TNPO1: variants seen among roughly 807,000 people sequenced by gnomAD.
TNPO1 encodes the protein transportin 1, also known as transportin-1.
A neutral mutation model predicts 119.5 loss-of-function variants in TNPO1; 8 were observed. The observed-to-expected ratio is 0.07, with a 90% CI of 0.04 to 0.12. TNPO1 has a LOEUF of 0.12. Ranked by LOEUF, TNPO1 falls within the 10% of genes least tolerant of loss-of-function variation. TNPO1 has a pLI of 1.00. For missense variants in TNPO1, 576 were observed against 1,089.8 expected (o/e 0.53, Z 6.64); for synonymous variants, 362 against 363.0 (o/e 1.00, Z 0.03).
At chr5:72,886,881 T>A in intron 11 of TNPO1, among the ~76,000 whole-genome samples, 189 bp from the exon 12 acceptor site, 1 of 79,216 alleles carries the variant, frequency 1.3e-5, no homozygotes, top group East Asian at 3.9e-4. Context: ...AGAACAAGAC[T>A]CCATCTCAAA....
chr5:72,876,688 TAAAA>T (rs745825237), intron 8 of TNPO1, among the ~76,000 whole-genome samples: 3 of 152,094 alleles, frequency 2.0e-5, no homozygotes, highest in South Asian at 4.1e-4. Context: ...AGTAGTATCA[TAAAA>T]AAACTACACA....
At position 72,900,525 on chromosome 5, in the gene TNPO1, A is replaced by T. The variant is rs986124076; in HGVS notation, c.2414+444A>T. Among the ~76,000 whole-genome samples the T allele has an allele frequency of 5.3e-5, 8 of 152,274 alleles. No homozygotes were observed. In the South Asian group the frequency reaches 1.2e-3, roughly 24 times the overall value. Reference sequence around the variant, plus strand: ...TTGCTTGTTAATGTAAAAGTTAAACATCTACACCATAAGCTATATAGTAAT... The same window carrying T: ...TTGCTTGTTAATGTAAAAGTTAAACTTCTACACCATAAGCTATATAGTAAT... On this transcript the variant is annotated intron_variant, in intron 21 of 24. Transcript: ENST00000337273.
chr5:72,903,228 C>G (rs774169584), intron 22 of TNPO1, among the ~76,000 whole-genome samples: 41 of 152,176 alleles, frequency 2.7e-4, no homozygotes, highest in African/African-American at 9.6e-4. Context: ...TTGGTTGTTT[C>G]AACTAAGTTA....
intron 8 of TNPO1, 80 bp downstream of exon 8, chr5:72,875,817 G>T: frequency 6.8e-7 from 1 of 1,460,286 alleles, no homozygotes; most frequent in South Asian, 1.3e-5. Flanking sequence ...CATACCGGAT[G>T]GGAAGGGGAC....
intron 6 of TNPO1, among the ~76,000 whole-genome samples, chr5:72,870,792 G>A (rs763503774): frequency 1.3e-5 from 2 of 151,988 alleles, no homozygotes; most frequent in Non-Finnish European, 2.9e-5. Flanking sequence ...TGCCTTACAT[G>A]CACACAAAAA....
chr5:72,912,660 A>G lies in TNPO1; in HGVS notation c.*3987A>G, dbSNP rs1750643471. 1 of 152,448 alleles carries G rather than the reference A, an allele frequency of 6.6e-6. No homozygotes were observed. The highest frequency in any genetic ancestry group is 1.9e-4 in the East Asian group (1 of 5,198). 9.4% of individuals were successfully genotyped at this position (152,448 alleles called of 1,614,324 possible). A position where few individuals can be genotyped will look rare whatever the true frequency, so the allele number is the denominator to read the frequency against. On this transcript the variant is annotated 3_prime_UTR_variant, in exon 25 of 25. Coordinates refer to ENST00000337273, the MANE Select transcript of TNPO1 (RefSeq NM_002270.4). ...AGGTTTACCTGAAAATGAGCTACAT[A>G]TGGTCGTCATTTTCTTCAAACTCTC...
chr5:72,836,171 C>T (rs1293000206), intron 1 of TNPO1, among the ~76,000 whole-genome samples: 2 of 152,222 alleles, frequency 1.3e-5, no homozygotes, highest in Non-Finnish European at 2.9e-5. Context: ...TTAGTTATTG[C>T]CCTTGTGTAG....
At chr5:72,903,406 G>A (rs536171816) in intron 22 of TNPO1, among the ~76,000 whole-genome samples, 3 of 152,124 alleles carry the variant, frequency 2.0e-5, no homozygotes, top group Non-Finnish European at 2.9e-5. Flanking sequence ...TATGGGTGTC[G>A]ATTTGGTGCT....
chr5:72,881,457 G>A (rs1012146022), intron 9 of TNPO1, among the ~76,000 whole-genome samples: 1 of 152,168 alleles, frequency 6.6e-6, no homozygotes, highest in African/African-American at 2.4e-5. Flanking sequence ...CCCTGCTCTA[G>A]ACTAATTGAA....
chr5:72,848,771 C>T (rs1301063951), intron 2 of TNPO1, among the ~76,000 whole-genome samples: 3 of 147,710 alleles, frequency 2.0e-5, no homozygotes, highest in African/African-American at 4.9e-5. Context: ...CGGGGGCCCC[C>T]GGCCGCCGCC....
chr5:72,848,172 C>G, intron 1 of TNPO1: 1 of 1,220,782 alleles, frequency 8.2e-7, no homozygotes, highest in South Asian at 2.6e-5. Context: ...GCAGCAGCAG[C>G]AGACGCTGGC....
intron 24 of TNPO1, among the ~76,000 whole-genome samples, chr5:72,907,511 C>T (rs905068551): frequency 1.9e-4 from 29 of 152,112 alleles, no homozygotes; most frequent in African/African-American, 7.0e-4. Flanking sequence ...TTCACATGAA[C>T]GTTCATAAAT....
intron 22 of TNPO1, among the ~76,000 whole-genome samples, chr5:72,902,509 T>G (rs911727477): frequency 6.6e-6 from 1 of 151,950 alleles, no homozygotes; most frequent in African/African-American, 2.4e-5. Flanking sequence ...TTTTCTGGGT[T>G]TTTGTTTTTT....
At chr5:72,886,987 C>T (rs1404620456) in intron 11 of TNPO1, 83 bp from the exon 12 acceptor site, 11 of 1,214,284 alleles carry the variant, frequency 9.1e-6, no homozygotes, top group South Asian at 6.5e-5. Flanking sequence ...ATTAGAGATA[C>T]GAATAAAATG....
chr5:72,874,620 G>A (rs1006420044), intron 7 of TNPO1, among the ~76,000 whole-genome samples: 1 of 152,196 alleles, frequency 6.6e-6, no homozygotes, highest in Non-Finnish European at 1.5e-5. Context: ...GTCAAATGTG[G>A]AAGCAGGACT....
chr5:72,891,723 A>C, intron 14 of TNPO1, 87 bp from the exon 15 acceptor site: 1 of 979,554 alleles, frequency 1.0e-6, no homozygotes, highest in Non-Finnish European at 1.6e-6. Flanking sequence ...ACAATTGCTC[A>C]AAATGGATTT....
chr5:72,895,680 G>A (rs1749377985), intron 18 of TNPO1, among the ~76,000 whole-genome samples: 1 of 152,104 alleles, frequency 6.6e-6, no homozygotes, highest in African/African-American at 2.4e-5. Context: ...ATTTAATAAT[G>A]AAGATACTTA....
intron 5 of TNPO1, among the ~76,000 whole-genome samples, chr5:72,862,992 TTGTGTGTGTGTGTGTGTG>T (rs71614493): frequency 6.9e-6 from 1 of 144,772 alleles, no homozygotes. Context: ...CTGTGGGTTT[TTGTGTGTGTGTGTGTGTG>T]TGTGTGTGTG....
intron 4 of TNPO1, among the ~76,000 whole-genome samples, chr5:72,860,826 A>T (rs769449888): frequency 6.6e-6 from 1 of 152,180 alleles, no homozygotes; most frequent in African/African-American, 2.4e-5. Context: ...ATTTGAACCT[A>T]ACAGACTCAT....
Sources: allele counts gnomAD v4.1 joint callset (sites outside exome capture counted in the v4.1 genomes callset), GRCh38; gene constraint gnomAD v4.1.1; transcripts MANE v1.5; gene names NCBI Gene and HGNC (gene_info 2026-07-23, HGNC 2026-07-21).